The following TRHDE variants were observed in gnomAD, a reference collection of about 807,000 sequenced individuals.
The protein encoded by TRHDE is thyrotropin releasing hormone degrading enzyme.
A neutral mutation model predicts 125.7 loss-of-function variants in TRHDE; 72 were observed. The observed-to-expected ratio is 0.57, with a 90% confidence interval of 0.47 to 0.70. The LOEUF is 0.70. Among genes scored for constraint, TRHDE ranks in the 30% least tolerant of loss-of-function variants. The pLI, the probability that TRHDE is intolerant of heterozygous loss-of-function variation, is 0.00. For missense variants in TRHDE, 1,110 were observed against 1,327.1 expected (o/e 0.84, Z 2.54); for synonymous variants, 509 against 509.1 (o/e 1.00, Z 0.00).
chr12:72,394,216 T>C (rs1872708472), intron 3 of TRHDE, among the ~76,000 whole-genome samples: 1 of 152,178 alleles, frequency 6.6e-6, no homozygotes, highest in African/African-American at 2.4e-5. Flanking sequence ...TCTCAAATTC[T>C]AAACACAGAG....
intron 2 of TRHDE, among the ~76,000 whole-genome samples, chr12:72,236,993 C>T (rs982243572): frequency 1.3e-5 from 2 of 152,054 alleles, no homozygotes; most frequent in African/African-American, 4.8e-5. Flanking sequence ...AGAAATGTTT[C>T]TTTATTTTAT....
rs577430091 is a variant in TRHDE, at chr12:72,388,967, C to G, written c.1315+10846C>G. On this transcript the variant is annotated intron_variant, in intron 3 of 18. Coordinates refer to ENST00000261180, the MANE Select transcript of TRHDE (RefSeq NM_013381.3). Reference sequence around the variant, plus strand: ...GATTTGACAAACATCTATTGAATATCCTTATGTACTAGACACAGTTCTACT... The same window carrying G: ...GATTTGACAAACATCTATTGAATATGCTTATGTACTAGACACAGTTCTACT... Among the ~76,000 whole-genome samples, 4 of 151,276 alleles carry G rather than the reference C, an allele frequency of 2.6e-5. No homozygotes were observed. In the East Asian group the frequency reaches 5.8e-4, roughly 22 times the overall value.
At chr12:72,548,282 A>AT (rs1205673721) in intron 7 of TRHDE, among the ~76,000 whole-genome samples, 2 of 151,598 alleles carry the variant, frequency 1.3e-5, no homozygotes, top group Non-Finnish European at 1.5e-5. Flanking sequence ...TCCCTGAAAT[A>AT]TTCCCTTCTC....
chr12:72,385,469 A>G (rs1414371481), intron 3 of TRHDE, among the ~76,000 whole-genome samples: 3 of 152,124 alleles, frequency 2.0e-5, no homozygotes, highest in Non-Finnish European at 4.4e-5. Context: ...TTATGTAGGT[A>G]ATTTAATTCT....
In TRHDE at chr12:72,237,983, AAG is replaced by A. The variant is rs550209020; in HGVS notation, n.279+132236_279+132237del. 1.3e-3 allele frequency among the ~76,000 whole-genome samples: 203 copies of A among 152,070 alleles called. 1 individual carries two copies. The highest frequency in any genetic ancestry group is 0.011 in the South Asian group (51 of 4,802). On this transcript the variant is annotated intron_variant and non_coding_transcript_variant, in intron 2 of 4. Coordinates refer to the TRHDE transcript ENST00000548156. ...CACTGTGGTTAAGGCCAATGAGCAA[AAG>A]AGAGGGAAGAAGAAAAAGAAGGAGG...
intron 7 of TRHDE, among the ~76,000 whole-genome samples, chr12:72,552,178 C>A (rs1314302091): frequency 1.3e-5 from 2 of 152,162 alleles, no homozygotes; most frequent in Admixed American, 6.5e-5. Flanking sequence ...CAGAACAGTT[C>A]TCTGGCTAAT....
intron 3 of TRHDE, among the ~76,000 whole-genome samples, chr12:72,456,166 CACACACACACAG>C (rs1284892149): frequency 6.0e-5 from 8 of 133,502 alleles, no homozygotes; most frequent in Non-Finnish European, 7.9e-5. Context: ...CACACACACA[CACACACACACAG>C]AGACTCAGAG....
intron 12 of TRHDE, among the ~76,000 whole-genome samples, chr12:72,609,699 A>G (rs1053378873): frequency 6.6e-6 from 1 of 152,198 alleles, no homozygotes; most frequent in Non-Finnish European, 1.5e-5. Context: ...TAGAGAAGAC[A>G]TAGTCAGTTC....
intron 2 of TRHDE, among the ~76,000 whole-genome samples, chr12:72,376,458 G>A (rs1199892264): frequency 6.6e-6 from 1 of 152,136 alleles, no homozygotes; most frequent in Non-Finnish European, 1.5e-5. Flanking sequence ...GCTGTTGCAG[G>A]TAGTCTCTCC....
chr12:72,411,172 C>T (rs905516634), intron 3 of TRHDE, among the ~76,000 whole-genome samples: 10 of 143,574 alleles, frequency 7.0e-5, no homozygotes, highest in Middle Eastern at 3.6e-3. Flanking sequence ...CACTGCACTC[C>T]AGCCTAGGCG....
At chr12:72,421,598 C>T (rs754661534) in intron 3 of TRHDE, among the ~76,000 whole-genome samples, 33 of 152,244 alleles carry the variant, frequency 2.2e-4, no homozygotes, top group Non-Finnish European at 4.4e-4. Flanking sequence ...GTCTGTAAAA[C>T]AAGCCACATT....
intron 2 of TRHDE, among the ~76,000 whole-genome samples, chr12:72,360,101 C>T (rs1422706538): frequency 6.6e-6 from 1 of 151,724 alleles, no homozygotes; most frequent in African/African-American, 2.4e-5. Context: ...ATACATTCCA[C>T]ATGAATGGAA....
At chr12:72,214,282 G>C (rs1877841946) in intron 2 of TRHDE, among the ~76,000 whole-genome samples, 1 of 152,066 alleles carries the variant, frequency 6.6e-6, no homozygotes, top group Non-Finnish European at 1.5e-5. Flanking sequence ...AGTTCTCTTT[G>C]ACCCTATTCC....
intron 1 of TRHDE, among the ~76,000 whole-genome samples, chr12:72,094,053 A>C (rs1466196539): frequency 2.6e-5 from 4 of 152,110 alleles, no homozygotes; most frequent in African/African-American, 9.7e-5. Context: ...GAGCTGGGTC[A>C]TGTGGCCGCT....
intron 3 of TRHDE, among the ~76,000 whole-genome samples, chr12:72,459,626 T>G (rs1022970840): frequency 6.6e-6 from 1 of 152,086 alleles, no homozygotes; most frequent in African/African-American, 2.4e-5. Flanking sequence ...TATAAGCATT[T>G]TTTTTATTCT....
intron 2 of TRHDE, among the ~76,000 whole-genome samples, chr12:72,188,499 G>A (rs983287691): frequency 6.6e-6 from 1 of 152,212 alleles, no homozygotes; most frequent in Non-Finnish European, 1.5e-5. Context: ...AGTTGGGATA[G>A]TAACAGTAAA....
intron 3 of TRHDE, among the ~76,000 whole-genome samples, chr12:72,394,668 T>C (rs1018758400): frequency 5.3e-5 from 8 of 152,208 alleles, no homozygotes; most frequent in African/African-American, 1.9e-4. Flanking sequence ...AGACACTTTT[T>C]CCCCTGTCAC....
At chr12:72,362,935 G>A (rs1185754452) in intron 2 of TRHDE, among the ~76,000 whole-genome samples, 2 of 152,042 alleles carry the variant, frequency 1.3e-5, no homozygotes, top group African/African-American at 4.8e-5. Flanking sequence ...TCTCTGTTTT[G>A]GTACCAGTAC....
intron 2 of TRHDE, among the ~76,000 whole-genome samples, chr12:72,113,028 C>CT (rs1223993212): frequency 2.0e-5 from 3 of 151,850 alleles, no homozygotes; most frequent in Admixed American, 6.6e-5. Flanking sequence ...ATTGTTTTTT[C>CT]TTTTTTTGAG....
Sources: allele counts gnomAD v4.1 joint callset (sites outside exome capture counted in the v4.1 genomes callset), GRCh38; gene constraint gnomAD v4.1.1; transcripts MANE v1.5; gene names NCBI Gene and HGNC (gene_info 2026-07-23, HGNC 2026-07-21).